Variants in PALLD observed in about 807,000 individuals in gnomAD.
PALLD encodes the protein palladin, cytoskeletal associated protein.
A neutral mutation model predicts 123.5 loss-of-function variants in PALLD; 61 were observed. The ratio of observed to expected loss-of-function variants is 0.49; its 90% CI spans 0.40 to 0.61. The LOEUF is 0.61. PALLD is among the 20% of genes least tolerant of loss of function. The probability of loss-of-function intolerance (pLI) is 0.00; values close to 1 mark genes in which losing one functional copy is unlikely to be tolerated. For missense variants in PALLD, 1,273 were observed against 1,377.0 expected (o/e 0.92, Z 1.20); for synonymous variants, 465 against 496.4 (o/e 0.94, Z 0.84).
At chr4:168,792,395 A>C (rs943525690) in intron 10 of PALLD, among the ~76,000 whole-genome samples, 1 of 152,112 alleles carries the variant, frequency 6.6e-6, no homozygotes, top group African/African-American at 2.4e-5. Context: ...AACCTAGGGA[A>C]TATTGCCAAG....
intron 17 of PALLD, among the ~76,000 whole-genome samples, chr4:168,919,706 C>A (rs1403581557): frequency 1.3e-5 from 2 of 152,140 alleles, no homozygotes; most frequent in African/African-American, 4.8e-5. Flanking sequence ...CATTCCTAGA[C>A]ACTGATTATC....
intron 19 of PALLD, 136 bp downstream of exon 19, chr4:168,924,556 G>T: frequency 2.2e-6 from 2 of 928,280 alleles, no homozygotes; most frequent in Non-Finnish European, 3.5e-6. Context: ...ATCAATCAAA[G>T]ACAAAAACCA....
chr4:168,817,635 C>T (rs1401062754), intron 10 of PALLD, among the ~76,000 whole-genome samples: 1 of 152,126 alleles, frequency 6.6e-6, no homozygotes, highest in Admixed American at 6.6e-5. Flanking sequence ...TATTTTGATA[C>T]TTTTTTTGCA....
At chr4:168,530,253 A>T (rs963518465) in intron 2 of PALLD, among the ~76,000 whole-genome samples, 1 of 152,230 alleles carries the variant, frequency 6.6e-6, no homozygotes, top group Non-Finnish European at 1.5e-5. Context: ...ATTAAACAAA[A>T]TATTTCTTTG....
At chr4:168,765,242 A>G (rs1280902003) in intron 10 of PALLD, among the ~76,000 whole-genome samples, 1 of 152,226 alleles carries the variant, frequency 6.6e-6, no homozygotes, top group African/African-American at 2.4e-5. Context: ...GGTTTAGTAA[A>G]TGGAAGCGAT....
intron 10 of PALLD, among the ~76,000 whole-genome samples, chr4:168,887,122 AAAAAAAAAAAG>A (rs1753461770): frequency 2.8e-5 from 4 of 144,436 alleles, no homozygotes; most frequent in Non-Finnish European, 4.6e-5. Context: ...GTCTCAAAAA[AAAAAAAAAAAG>A]AAAAAGAAAA....
chr4:168,693,565 T>TA (rs1782850231), intron 8 of PALLD, among the ~76,000 whole-genome samples: 1 of 152,242 alleles, frequency 6.6e-6, no homozygotes, highest in South Asian at 2.1e-4. Flanking sequence ...CTTATTTACA[T>TA]AGTTAGATCT....
intron 10 of PALLD, among the ~76,000 whole-genome samples, chr4:168,873,980 C>A (rs1218363579): frequency 6.6e-6 from 1 of 152,200 alleles, no homozygotes; most frequent in East Asian, 1.9e-4. Flanking sequence ...TGTTCCCCTG[C>A]CAGCCACTTG....
rs1468246244 is a variant in PALLD at position 168,703,803 on chromosome 4, A to G, written c.1502-5225A>G. 3.5e-5 allele frequency among the ~76,000 whole-genome samples: 5 copies of G among 143,726 alleles called. 1 individual carries two copies. The highest frequency in any genetic ancestry group is 6.0e-5 in the Non-Finnish European group (4 of 66,736). 94.3% of individuals were successfully genotyped at this position (143,726 alleles called of 152,430 possible). On this transcript the variant is annotated intron_variant, in intron 8 of 21. Transcript: ENST00000505667. The stretch of plus-strand genomic sequence containing the variant: ...TGTTTGAGTTCATTGTAGATTCTGG[A>G]TATTAGCCCTTTGTCAGATGAGTAG...
chr4:168,658,816 T>C (rs12642267), intron 2 of PALLD, among the ~76,000 whole-genome samples: 19,840 of 152,268 alleles, frequency 0.13, 1,367 homozygotes, highest in African/African-American at 0.18. Context: ...GTTCAAATTC[T>C]ATTTTATTAT....
chr4:168,829,254 G>A (rs533300249), intron 10 of PALLD: 4 of 151,628 alleles, frequency 2.6e-5, no homozygotes, highest in East Asian at 1.9e-4. Flanking sequence ...CCACGTGTAC[G>A]CATCTTTCCG....
At chr4:168,631,163 A>C (rs1580669273) in intron 2 of PALLD, among the ~76,000 whole-genome samples, 2 of 152,236 alleles carry the variant, frequency 1.3e-5, no homozygotes, top group African/African-American at 4.8e-5. Context: ...GTAAGGCGGC[A>C]TCAGAGGAGC....
chr4:168,878,026 C>T lies in PALLD; in HGVS notation c.1965-12896C>T, dbSNP rs1319983866. 19 of 1,491,192 alleles carry T rather than the reference C, an allele frequency of 1.3e-5. No individual in the cohort carries two copies. In the Admixed American group the frequency reaches 3.5e-4, roughly 28 times the overall value. The allele number at this position is 1,491,192 out of a possible 1,614,324, so 92.4% of individuals were successfully genotyped here. A position where few individuals can be genotyped will look rare whatever the true frequency, so the allele number is the denominator to read the frequency against. The stretch of plus-strand genomic sequence containing the variant: ...GCCACGGCACGCCGGCCTCCAGCCC[C>T]AGCTCGTCCAGCCTCCCGTCGCCCA... On this transcript the variant is annotated intron_variant, in intron 10 of 21. Coordinates refer to ENST00000505667, the MANE Select transcript of PALLD (RefSeq NM_001166108.2).
intron 2 of PALLD, among the ~76,000 whole-genome samples, chr4:168,616,602 C>T (rs1041515814): frequency 3.3e-5 from 5 of 152,118 alleles, no homozygotes; most frequent in Admixed American, 2.0e-4. Context: ...ATTGGAATCC[C>T]ATATGGTATT....
chr4:168,790,973 C>G (rs1737430685), intron 10 of PALLD, among the ~76,000 whole-genome samples: 1 of 152,166 alleles, frequency 6.6e-6, no homozygotes, highest in Admixed American at 6.5e-5. Context: ...TAAAGTTTTG[C>G]CATAGTCTTC....
intron 2 of PALLD, among the ~76,000 whole-genome samples, chr4:168,547,897 G>GAT (rs927215787): frequency 7.1e-6 from 1 of 141,434 alleles, no homozygotes; most frequent in Non-Finnish European, 1.5e-5. Context: ...AGTGAGCCGT[G>GAT]ATCGTGCCAC....
intron 3 of PALLD, among the ~76,000 whole-genome samples, chr4:168,672,966 C>A (rs1017505665): frequency 6.6e-6 from 1 of 152,148 alleles, no homozygotes; most frequent in Non-Finnish European, 1.5e-5. Context: ...TGCCCTCTAC[C>A]CTACAGCATA....
At chr4:168,753,736 A>G (rs773588400) in intron 10 of PALLD, among the ~76,000 whole-genome samples, 34 of 152,290 alleles carry the variant, frequency 2.2e-4, no homozygotes, top group Non-Finnish European at 4.0e-4. Context: ...AGTGACGACC[A>G]GCACCAACTT....
intron 2 of PALLD, among the ~76,000 whole-genome samples, chr4:168,568,954 A>T (rs1768689758): frequency 6.6e-6 from 1 of 152,112 alleles, no homozygotes; most frequent in Admixed American, 6.6e-5. Flanking sequence ...TCTTTTAGAT[A>T]GATGTGCCTT....
Sources: gnomAD v4.1 joint callset for allele counts (sites outside exome capture counted in the v4.1 genomes callset) on GRCh38, gnomAD v4.1.1 for gene constraint, MANE v1.5 for transcripts, NCBI Gene and HGNC (gene_info 2026-07-23, HGNC 2026-07-21) for gene names.